The following MAPK10 variants were observed in gnomAD, a reference collection of about 807,000 sequenced individuals.
MAPK10 encodes JNK3 alpha protein kinase.
MAPK10 carries 25 observed loss-of-function variants against 59.3 expected under a neutral mutation model. The ratio of observed to expected loss-of-function variants is 0.42; its 90% CI spans 0.31 to 0.59. MAPK10 has a LOEUF of 0.59. Ranked by LOEUF, MAPK10 falls within the 20% of genes least tolerant of loss-of-function variation. MAPK10 has a pLI of 0.15. For synonymous variants in MAPK10, 190 were observed against 200.5 expected, an observed-to-expected ratio of 0.95 and a Z score of 0.44; for missense variants, 351 against 568.9, an observed-to-expected ratio of 0.62 and a Z score of 3.90.
At chr4:86,458,715 A>G (rs1751460411) in intron 1 of MAPK10, among the ~76,000 whole-genome samples, 1 of 152,216 alleles carries the variant, frequency 6.6e-6, no homozygotes, top group Non-Finnish European at 1.5e-5. Flanking sequence ...GGCAAGCCAC[A>G]TGTAAGAGAA....
chr4:86,241,743 G>T (rs1323039202), intron 2 of MAPK10, among the ~76,000 whole-genome samples: 1 of 152,000 alleles, frequency 6.6e-6, no homozygotes, highest in African/African-American at 2.4e-5. Flanking sequence ...TTTTATCAAG[G>T]TTCTTGGCTT....
intron 2 of MAPK10, among the ~76,000 whole-genome samples, chr4:86,281,851 CA>C (rs34648043): frequency 1.0e-4 from 15 of 145,508 alleles, no homozygotes; most frequent in East Asian, 2.0e-4. Context: ...TGGACTGATG[CA>C]AAAAAAAAAT....
At chr4:86,428,227 T>C (rs1372615480) in intron 1 of MAPK10, among the ~76,000 whole-genome samples, 2 of 151,868 alleles carry the variant, frequency 1.3e-5, no homozygotes, top group Non-Finnish European at 2.9e-5. Flanking sequence ...CACTGCAGCC[T>C]CAACCTCTCA....
chr4:86,580,304 G>A (rs1762174135), intron 1 of MAPK10, among the ~76,000 whole-genome samples: 1 of 152,030 alleles, frequency 6.6e-6, no homozygotes, highest in Admixed American at 6.5e-5. Context: ...TTTGAGATCA[G>A]CCTGATCAAC....
chr4:86,358,455 C>T (rs1735645451), intron 1 of MAPK10: 1 of 805,110 alleles, frequency 1.2e-6, no homozygotes, highest in Admixed American at 6.2e-5. Context: ...TAAAAGTTAT[C>T]ATCAACATGG....
intron 11 of MAPK10, among the ~76,000 whole-genome samples, chr4:86,043,000 G>A (rs897360480): frequency 3.3e-5 from 5 of 152,118 alleles, no homozygotes; most frequent in Non-Finnish European, 7.4e-5. Flanking sequence ...ATTGGAAGGA[G>A]GAAGCATAGA....
chr4:86,168,132 G>A (rs1036541244), intron 3 of MAPK10, among the ~76,000 whole-genome samples: 5 of 152,218 alleles, frequency 3.3e-5, no homozygotes, highest in African/African-American at 4.8e-5. Flanking sequence ...CAGTCTGAGC[G>A]ACACAGAAGA....
chr4:86,174,466 AG>A (rs2075201688), intron 3 of MAPK10, among the ~76,000 whole-genome samples: 2 of 152,080 alleles, frequency 1.3e-5, no homozygotes, highest in African/African-American at 4.8e-5. Context: ...GGGACCTGTC[AG>A]GGGGGTGGTG....
chr4:86,032,507 G>A (rs933343045), intron 11 of MAPK10: 2 of 152,184 alleles, frequency 1.3e-5, no homozygotes, highest in Non-Finnish European at 2.9e-5. Flanking sequence ...AAAACTAAAA[G>A]AGTCACTCAA....
chr4:86,494,021 A>G (rs543200134), intron 1 of MAPK10, among the ~76,000 whole-genome samples: 2 of 152,278 alleles, frequency 1.3e-5, no homozygotes, highest in South Asian at 2.1e-4. Flanking sequence ...TTCAGCTTCT[A>G]TGTAAGATGA....
At chr4:86,187,916 G>A (rs567180175) in intron 3 of MAPK10, among the ~76,000 whole-genome samples, 3 of 151,142 alleles carry the variant, frequency 2.0e-5, no homozygotes, top group African/African-American at 4.8e-5. Context: ...TATCCCTCTC[G>A]ACATGCCCTG....
At chr4:86,533,995 GACAC>G (rs1423159135) in intron 1 of MAPK10, among the ~76,000 whole-genome samples, 3 of 152,096 alleles carry the variant, frequency 2.0e-5, no homozygotes, top group Non-Finnish European at 4.4e-5. Flanking sequence ...TGCCTCTAAA[GACAC>G]AGCCCTCTTC....
chr4:86,038,403 A>C (rs1170911817), intron 11 of MAPK10, among the ~76,000 whole-genome samples: 1 of 152,210 alleles, frequency 6.6e-6, no homozygotes, highest in Non-Finnish European at 1.5e-5. Flanking sequence ...TGGCAGTTAG[A>C]TGATTGTCAA....
chr4:86,571,356 G>GTA (rs1491195181), intron 1 of MAPK10, among the ~76,000 whole-genome samples: 5 of 145,428 alleles, frequency 3.4e-5, no homozygotes, highest in South Asian at 4.3e-4. Flanking sequence ...GTGTGTGTGT[G>GTA]TATCTCCAGT....
chr4:86,593,590 T>C (rs771537057), intron 1 of MAPK10: 3 of 152,242 alleles, frequency 2.0e-5, no homozygotes, highest in African/African-American at 7.2e-5. Flanking sequence ...TTCGGGATTA[T>C]TTTAGTCTCA....
At chr4:86,326,979 T>C (rs1412997986) in intron 2 of MAPK10, 1 of 152,232 alleles carries the variant, frequency 6.6e-6, no homozygotes, top group Admixed American at 6.5e-5. Flanking sequence ...TCTTTTTATT[T>C]CATTTAGTAG....
chr4:86,285,209 T>C (rs1425738862), intron 2 of MAPK10, among the ~76,000 whole-genome samples: 1 of 152,064 alleles, frequency 6.6e-6, no homozygotes, highest in Non-Finnish European at 1.5e-5. Context: ...AAAATTTATG[T>C]ATTCTAAATG....
intron 4 of MAPK10, among the ~76,000 whole-genome samples, chr4:86,148,692 C>A (rs547087350): frequency 3.9e-4 from 59 of 152,186 alleles, no homozygotes; most frequent in Non-Finnish European, 6.5e-4. Context: ...TAGCAATCCT[C>A]AAATAAGAAA....
chr4:86,307,062 A>C (rs889657942), intron 2 of MAPK10, among the ~76,000 whole-genome samples: 2 of 152,188 alleles, frequency 1.3e-5, no homozygotes, highest in Admixed American at 1.3e-4. Context: ...AAGCATAACT[A>C]GGGTGATATA....
Sources: allele counts gnomAD v4.1 joint callset (sites outside exome capture counted in the v4.1 genomes callset), GRCh38; gene constraint gnomAD v4.1.1; transcripts MANE v1.5; gene names NCBI Gene and HGNC (gene_info 2026-07-23, HGNC 2026-07-21).